Variants in TRAPPC10 observed in about 807,000 individuals in gnomAD.
TRAPPC10 encodes trafficking protein particle complex subunit 10, also known as TRAPP 130 kDa subunit.
Under a neutral mutation model 125.5 loss-of-function variants are expected in TRAPPC10, and 23 were observed. That is an observed-to-expected ratio of 0.18 (90% CI 0.13 to 0.26). The LOEUF is 0.26. Ranked by LOEUF, TRAPPC10 falls within the 10% of genes least tolerant of loss-of-function variation. The pLI is 1.00. For missense variants in TRAPPC10, 1,123 were observed against 1,308.4 expected, an observed-to-expected ratio of 0.86 and a Z score of 2.19; for synonymous variants, 509 against 518.0, an observed-to-expected ratio of 0.98 and a Z score of 0.24.
At chr21:44,067,487 A>G (rs2036535600) in intron 7 of TRAPPC10, among the ~76,000 whole-genome samples, 1 of 152,050 alleles carries the variant, frequency 6.6e-6, no homozygotes, top group South Asian at 2.1e-4. Context: ...TGGTTGTGAG[A>G]GCTGTTGCTG....
intron 2 of TRAPPC10, among the ~76,000 whole-genome samples, chr21:44,034,491 C>G (rs186118075): frequency 5.3e-5 from 8 of 152,140 alleles, no homozygotes; most frequent in Non-Finnish European, 1.2e-4. Flanking sequence ...AGCTCCGCTC[C>G]GGGAACTCTG....
chr21:44,081,166 C>T (rs942400232), intron 13 of TRAPPC10, among the ~76,000 whole-genome samples: 4 of 151,290 alleles, frequency 2.6e-5, no homozygotes, highest in African/African-American at 9.7e-5. Flanking sequence ...CAGGTGTGGG[C>T]CACCACACCC....
chr21:44,014,015 T>A (rs2031506822), intron 1 of TRAPPC10, among the ~76,000 whole-genome samples: 1 of 152,244 alleles, frequency 6.6e-6, no homozygotes, highest in Non-Finnish European at 1.5e-5. Context: ...TTCCAGAGGT[T>A]GAACATTTTT....
At chr21:44,029,841 C>T (rs1473924397) in intron 1 of TRAPPC10, among the ~76,000 whole-genome samples, 2 of 152,214 alleles carry the variant, frequency 1.3e-5, no homozygotes, top group African/African-American at 2.4e-5. Flanking sequence ...ACTTTGAAGA[C>T]CTTATCTGCA....
intron 11 of TRAPPC10, 113 bp from the exon 12 acceptor site, chr21:44,079,451 A>G: frequency 8.1e-7 from 1 of 1,234,720 alleles, no homozygotes; most frequent in African/African-American, 1.5e-5. Context: ...AGAGATGTTG[A>G]GTCTGTCCTG....
chr21:44,067,349 T>C (rs1390725587), intron 7 of TRAPPC10, among the ~76,000 whole-genome samples: 1 of 152,072 alleles, frequency 6.6e-6, no homozygotes, highest in African/African-American at 2.4e-5. Flanking sequence ...TGTGGGAATG[T>C]AGATTGTGTT....
chr21:44,094,011 C>A, intron 19 of TRAPPC10, 52 bp from the exon 20 acceptor site: 1 of 1,568,096 alleles, frequency 6.4e-7, no homozygotes, highest in South Asian at 1.2e-5. Flanking sequence ...TGTCTGTGTC[C>A]TCTTTGCGGT....
chr21:44,056,568 T>C (rs2035608330), intron 5 of TRAPPC10, among the ~76,000 whole-genome samples: 1 of 152,224 alleles, frequency 6.6e-6, no homozygotes. Flanking sequence ...TAAGATGTTC[T>C]GAGAAATACT....
intron 17 of TRAPPC10, chr21:44,088,131 C>G: frequency 1.7e-6 from 1 of 588,678 alleles, no homozygotes; most frequent in Non-Finnish European, 3.0e-6. Context: ...CAGAGACAAG[C>G]CAGCTCTACC....
chr21:44,013,108 A>G (rs76622255), intron 1 of TRAPPC10, among the ~76,000 whole-genome samples: 1 of 151,548 alleles, frequency 6.6e-6, no homozygotes, highest in Non-Finnish European at 1.5e-5. Context: ...CACTCAAACC[A>G]TTTTACGGAT....
In TRAPPC10 at chr21:44,080,682, C is replaced by T. The variant is rs150058550; in HGVS notation, c.1723+555C>T. Reference sequence around the variant, plus strand: ...CCTCCCAAGTAGCTGGGGTTACGTGCGCCCGCCACCATGCCCTGCTAATTT... The same window carrying T: ...CCTCCCAAGTAGCTGGGGTTACGTGTGCCCGCCACCATGCCCTGCTAATTT... On this transcript the variant is annotated intron_variant, in intron 13 of 22. Coordinates refer to ENST00000291574, the MANE Select transcript of TRAPPC10 (RefSeq NM_003274.5). Among the ~76,000 whole-genome samples the T allele has an allele frequency of 3.5e-3, 536 of 151,918 alleles. 2 individuals carry two copies. The highest frequency in any genetic ancestry group is 0.012 in the African/African-American group (477 of 41,452).
intron 3 of TRAPPC10, among the ~76,000 whole-genome samples, chr21:44,041,983 A>T (rs1454648702): frequency 6.6e-6 from 1 of 152,158 alleles, no homozygotes; most frequent in Non-Finnish European, 1.5e-5. Context: ...AAGTGCTGGG[A>T]TTACAGGCAT....
At chr21:44,074,726 G>C (rs2037147044) in intron 8 of TRAPPC10, among the ~76,000 whole-genome samples, 1 of 152,232 alleles carries the variant, frequency 6.6e-6, no homozygotes, top group African/African-American at 2.4e-5. Flanking sequence ...GGGACACGAG[G>C]GTGGTGCTGA....
intron 1 of TRAPPC10, among the ~76,000 whole-genome samples, chr21:44,020,217 C>T (rs1045748440): frequency 6.6e-6 from 1 of 151,652 alleles, no homozygotes; most frequent in African/African-American, 2.4e-5. Flanking sequence ...GACTCCGCCT[C>T]CTGGGTTCAC....
At chr21:44,030,225 ATGTG>A (rs1288787663) in intron 1 of TRAPPC10, among the ~76,000 whole-genome samples, 2 of 150,400 alleles carry the variant, frequency 1.3e-5, no homozygotes, top group African/African-American at 4.9e-5. Flanking sequence ...CAAAGATAGA[ATGTG>A]AGAGAGAGAG....
intron 1 of TRAPPC10, among the ~76,000 whole-genome samples, chr21:44,015,358 T>G (rs1438989790): frequency 2.0e-5 from 3 of 152,188 alleles, no homozygotes; most frequent in African/African-American, 7.2e-5. Flanking sequence ...TTCCCAAAGA[T>G]TAAGGGTAAT....
chr21:44,038,105 A>G (rs544635749), intron 3 of TRAPPC10, among the ~76,000 whole-genome samples, 178 bp downstream of exon 3: 1 of 152,246 alleles, frequency 6.6e-6, no homozygotes, highest in East Asian at 1.9e-4. Context: ...GGGGTTGGAA[A>G]GGTGTGGGTC....
In TRAPPC10 at chr21:44,059,130, C is replaced by G. The variant is rs764350695; in HGVS notation, c.706C>G (p.Leu236Val). The G allele has an allele frequency of 6.2e-7, 1 of 1,602,676 alleles. No individual in the cohort carries two copies. Among genetic ancestry groups the G allele is most frequent in the South Asian group, 1.1e-5 (1 of 88,898 alleles). ...GGAGCTTGCCTTTGTTTTCGAGATG[C>G]TGCAGCAGTTCGAGGACGCCCTGGT... ...QEELAFVFEM[L>V]QQFEDALVQY... is the part of the protein sequence containing the mutation. Residue 236 changes from leucine (L) to valine (V), a missense_variant, in exon 6 of 23, where the codon CTG becomes GTG. This residue lies in a region of TRAPPC10 where 91 missense variants were observed against 127.1 expected (regional missense o/e 0.72). Transcript: ENST00000291574. The surrounding 1 kb of genome is among the most constrained non-coding windows in gnomAD (Gnocchi z 4.4).
At chr21:44,047,559 T>C (rs180681735) in intron 3 of TRAPPC10, among the ~76,000 whole-genome samples, 1 of 150,826 alleles carries the variant, frequency 6.6e-6, no homozygotes, top group African/African-American at 2.5e-5. Context: ...TGTGTGTGTG[T>C]GTGTGTGCGC....
Sources: gnomAD v4.1 joint callset for allele counts (sites outside exome capture counted in the v4.1 genomes callset) on GRCh38, gnomAD v4.1.1 for gene constraint, gnomAD v4.1.1 regional missense constraint, Gnocchi (gnomAD v3.1) non-coding constraint, MANE v1.5 for transcripts, NCBI Gene and HGNC (gene_info 2026-07-23, HGNC 2026-07-21) for gene names.